The following ADGRB3 variants were observed in gnomAD, a reference collection of about 807,000 sequenced individuals.
The protein encoded by ADGRB3 is brain-specific angiogenesis inhibitor 3.
ADGRB3 carries 37 observed loss-of-function variants against 193.4 expected under a neutral mutation model. The observed-to-expected ratio is 0.19, with a 90% CI of 0.15 to 0.25. ADGRB3 has a LOEUF of 0.25. Among genes scored for constraint, ADGRB3 ranks in the 10% least tolerant of loss-of-function variants. The pLI, the probability that ADGRB3 is intolerant of heterozygous loss-of-function variation, is 1.00. For synonymous variants in ADGRB3, 690 were observed against 644.2 expected (o/e 1.07, Z -1.08); for missense variants, 1,637 against 1,852.9 (o/e 0.88, Z 2.14).
At chr6:68,690,821 C>A (rs1205902686) in intron 3 of ADGRB3, among the ~76,000 whole-genome samples, 1 of 152,064 alleles carries the variant, frequency 6.6e-6, no homozygotes, top group Non-Finnish European at 1.5e-5. Flanking sequence ...TCTCATCTTT[C>A]ATTTTATGCC....
intron 3 of ADGRB3, among the ~76,000 whole-genome samples, chr6:68,734,088 TA>T (rs199606593): frequency 0.022 from 3,351 of 152,092 alleles, 61 homozygotes; most frequent in South Asian, 0.069. Context: ...GCAACTATGG[TA>T]TTTTTTTTCA....
intron 8 of ADGRB3, among the ~76,000 whole-genome samples, chr6:68,959,392 G>A (rs150860818): frequency 2.1e-4 from 32 of 152,094 alleles, no homozygotes; most frequent in Non-Finnish European, 4.0e-4. Context: ...GCTTTTTCTA[G>A]TATTATTTTT....
intron 3 of ADGRB3, among the ~76,000 whole-genome samples, chr6:68,799,161 C>CA (rs370066935): frequency 6.6e-5 from 10 of 151,006 alleles, no homozygotes; most frequent in East Asian, 5.8e-4. Context: ...GAAATAAGTA[C>CA]AAAAAAAAGA....
intron 3 of ADGRB3, among the ~76,000 whole-genome samples, chr6:68,725,502 C>T (rs944131072): frequency 1.3e-5 from 2 of 151,540 alleles, no homozygotes; most frequent in African/African-American, 4.8e-5. Context: ...ACAACATTTC[C>T]ACCACAAATC....
chr6:68,877,471 A>T (rs1270295787), intron 3 of ADGRB3, among the ~76,000 whole-genome samples: 4 of 152,098 alleles, frequency 2.6e-5, no homozygotes, highest in Non-Finnish European at 5.9e-5. Flanking sequence ...TCATATTCAC[A>T]TAAGGCTACT....
chr6:69,181,161 A>C (rs1775570037), intron 17 of ADGRB3, among the ~76,000 whole-genome samples: 1 of 152,048 alleles, frequency 6.6e-6, no homozygotes, highest in Non-Finnish European at 1.5e-5. Flanking sequence ...TCCTCCTGAG[A>C]TGTGGGGTGT....
chr6:68,849,053 C>T (rs576237901), intron 3 of ADGRB3, among the ~76,000 whole-genome samples: 31 of 151,874 alleles, frequency 2.0e-4, no homozygotes, highest in African/African-American at 7.2e-4. Flanking sequence ...AAATGCTCAC[C>T]CAGACTTGGA....
intron 3 of ADGRB3, among the ~76,000 whole-genome samples, chr6:68,648,663 G>T (rs1768275696): frequency 6.7e-6 from 1 of 149,934 alleles, no homozygotes; most frequent in Non-Finnish European, 1.5e-5. Context: ...TTATGTTAAG[G>T]TAATAGAAAT....
chr6:68,921,461 G>A (rs1017277705), intron 3 of ADGRB3, among the ~76,000 whole-genome samples: 3 of 152,148 alleles, frequency 2.0e-5, no homozygotes, highest in Admixed American at 2.0e-4. Flanking sequence ...AAGAGTTAAC[G>A]TCTGCCCTGC....
At chr6:69,357,110 C>G (rs892284817) in intron 28 of ADGRB3, among the ~76,000 whole-genome samples, 7 of 152,020 alleles carry the variant, frequency 4.6e-5, no homozygotes, top group African/African-American at 1.7e-4. Flanking sequence ...TTGTAGCATT[C>G]TCTGAGGCAC....
intron 13 of ADGRB3, among the ~76,000 whole-genome samples, chr6:69,026,010 A>G (rs1182592468): frequency 1.3e-5 from 2 of 152,212 alleles, no homozygotes; most frequent in African/African-American, 2.4e-5. Context: ...CTAGTATAAT[A>G]GATTGGTAAT....
At chr6:68,755,294 A>T (rs1318293986) in intron 3 of ADGRB3, among the ~76,000 whole-genome samples, 1 of 152,170 alleles carries the variant, frequency 6.6e-6, no homozygotes, top group African/African-American at 2.4e-5. Context: ...ATCAATGAGG[A>T]TGATAAGTGA....
chr6:68,668,529 C>G (rs943857120), intron 3 of ADGRB3, among the ~76,000 whole-genome samples: 5 of 151,800 alleles, frequency 3.3e-5, no homozygotes, highest in Admixed American at 2.6e-4. Context: ...AGAAATATGT[C>G]AAAACTCATA....
intron 24 of ADGRB3, among the ~76,000 whole-genome samples, chr6:69,335,915 GC>G (rs777541933): frequency 6.6e-6 from 1 of 151,850 alleles, no homozygotes; most frequent in East Asian, 1.9e-4. Flanking sequence ...ATTAGAAACA[GC>G]CAACCATATA....
chr6:68,998,245 A>G (rs897006092), intron 11 of ADGRB3, among the ~76,000 whole-genome samples: 1 of 152,196 alleles, frequency 6.6e-6, no homozygotes, highest in Non-Finnish European at 1.5e-5. Flanking sequence ...ACTGCAGTTT[A>G]AGTTCTTGGA....
intron 23 of ADGRB3, among the ~76,000 whole-genome samples, chr6:69,330,870 CTCA>C (rs1768707689): frequency 6.6e-6 from 1 of 152,076 alleles, no homozygotes; most frequent in African/African-American, 2.4e-5. Context: ...TGTATAGAAT[CTCA>C]TCATTTACCA....
chr6:68,757,963 C>T (rs1766327717), intron 3 of ADGRB3, among the ~76,000 whole-genome samples: 1 of 152,056 alleles, frequency 6.6e-6, no homozygotes, highest in Non-Finnish European at 1.5e-5. Flanking sequence ...CTCCTTATTA[C>T]ATCCTCTTGC....
chr6:69,011,500 G>A (rs1240109690), intron 11 of ADGRB3, among the ~76,000 whole-genome samples: 1 of 151,504 alleles, frequency 6.6e-6, no homozygotes, highest in Non-Finnish European at 1.5e-5. Context: ...GAAGGAGAGG[G>A]GAAGGAGCTA....
Position 68,974,716 on chromosome 6 carries a change from T to A in ADGRB3, c.1526-47T>A, listed in dbSNP as rs778254064. On this transcript the variant is annotated intron_variant, in intron 8 of 31. Coordinates refer to ENST00000370598, the MANE Select transcript of ADGRB3 (RefSeq NM_001704.3). The stretch of plus-strand genomic sequence containing the variant: ...CTTTGACAATTGTTTATTGCCAAAA[T>A]TTTTTAAACACTACTGACATTCAAG... The A allele has an allele frequency of 9.6e-6, 15 of 1,554,496 alleles. No homozygotes were observed. In the South Asian group the frequency reaches 1.6e-4, roughly 16 times the overall value.
Sources: gnomAD v4.1 joint callset for allele counts (sites outside exome capture counted in the v4.1 genomes callset) on GRCh38, gnomAD v4.1.1 for gene constraint, MANE v1.5 for transcripts, NCBI Gene and HGNC (gene_info 2026-07-23, HGNC 2026-07-21) for gene names.